ZNF804A: variants seen among roughly 807,000 people sequenced by gnomAD.
ZNF804A encodes the protein zinc finger protein 804A.
In ZNF804A, 2 loss-of-function variants were observed where a neutral mutation model predicts 16.5. That is an observed-to-expected ratio of 0.12 (90% confidence interval 0.05 to 0.38). ZNF804A has a LOEUF of 0.38. ZNF804A is among the 10% of genes least tolerant of loss of function. The probability of loss-of-function intolerance (pLI) is 0.99; values close to 1 mark genes in which losing one functional copy is unlikely to be tolerated. For synonymous variants in ZNF804A, 534 were observed against 489.6 expected (o/e 1.09, Z -1.20); for missense variants, 1,473 against 1,390.7 (o/e 1.06, Z -0.94).
At chr2:184,749,037 T>A (rs184828786) in intron 1 of ZNF804A, among the ~76,000 whole-genome samples, 2 of 151,680 alleles carry the variant, frequency 1.3e-5, no homozygotes, top group African/African-American at 2.4e-5. Context: ...CTGGCTTTGA[T>A]CTTTTTGCTT....
At chr2:184,863,915 CAT>C (rs1695835917) in intron 1 of ZNF804A, among the ~76,000 whole-genome samples, 1 of 152,018 alleles carries the variant, frequency 6.6e-6, no homozygotes, top group South Asian at 2.1e-4. Flanking sequence ...GAGTTTTTAA[CAT>C]ATTGGAAGAA....
intron 2 of ZNF804A, among the ~76,000 whole-genome samples, chr2:184,881,915 T>A (rs1171083503): frequency 6.6e-6 from 1 of 152,096 alleles, no homozygotes; most frequent in African/African-American, 2.4e-5. Context: ...GACAATATCA[T>A]GGCAGGAACA....
rs1685852728 is a variant in ZNF804A, at chr2:184,939,051, A to T, written c.*25A>T. 1 of 1,602,664 alleles carries T rather than the reference A, an allele frequency of 6.2e-7. No individual in the cohort carries two copies. The highest frequency in any genetic ancestry group is 1.3e-5 in the African/African-American group (1 of 74,626). On this transcript the variant is annotated 3_prime_UTR_variant, in exon 4 of 4. Coordinates refer to ENST00000302277, the MANE Select transcript of ZNF804A (RefSeq NM_194250.2). ...GTCATCACCATAATGGGAAAAAAAT[A>T]CTCTTGTGAAAACTATTGCTATATG...
chr2:184,836,643 A>T (rs542789935), intron 1 of ZNF804A, among the ~76,000 whole-genome samples: 60 of 151,886 alleles, frequency 4.0e-4, no homozygotes, highest in Non-Finnish European at 4.7e-4. Flanking sequence ...ATAGGTAGAT[A>T]CATAGATATT....
At chr2:184,621,617 G>A (rs995843903) in intron 1 of ZNF804A, among the ~76,000 whole-genome samples, 7 of 151,584 alleles carry the variant, frequency 4.6e-5, no homozygotes, top group African/African-American at 1.7e-4. Context: ...TTAATACAAT[G>A]TCCTTTTTTT....
chr2:184,770,876 T>C (rs917088209), intron 1 of ZNF804A, among the ~76,000 whole-genome samples: 2 of 152,070 alleles, frequency 1.3e-5, no homozygotes, highest in African/African-American at 4.8e-5. Flanking sequence ...TTAGATATTC[T>C]ATAACCCAAA....
intron 1 of ZNF804A, among the ~76,000 whole-genome samples, chr2:184,608,373 A>G (rs971364602): frequency 2.0e-5 from 3 of 152,228 alleles, no homozygotes; most frequent in Non-Finnish European, 4.4e-5. Context: ...AGAAAAGACA[A>G]TTCCATATTG....
chr2:184,759,436 A>T (rs1043244479), intron 1 of ZNF804A, among the ~76,000 whole-genome samples: 1 of 151,870 alleles, frequency 6.6e-6, no homozygotes, highest in Non-Finnish European at 1.5e-5. Context: ...AAGAGTAAAC[A>T]GATAAATTGC....
chr2:184,769,218 T>C (rs1168560064), intron 1 of ZNF804A, among the ~76,000 whole-genome samples: 1 of 152,098 alleles, frequency 6.6e-6, no homozygotes, highest in African/African-American at 2.4e-5. Context: ...CTCTGTCTGC[T>C]TCCTTTAAGG....
intron 1 of ZNF804A, among the ~76,000 whole-genome samples, chr2:184,813,100 G>A (rs1195061255): frequency 6.6e-6 from 1 of 152,100 alleles, no homozygotes; most frequent in African/African-American, 2.4e-5. Flanking sequence ...TTTGAGTGGA[G>A]TTGTCAGAAG....
intron 1 of ZNF804A, among the ~76,000 whole-genome samples, chr2:184,633,987 C>T (rs774112848): frequency 2.7e-4 from 41 of 151,996 alleles, no homozygotes; most frequent in Admixed American, 4.6e-4. Flanking sequence ...TATATATGGC[C>T]CTGCTTGTGC....
At chr2:184,881,189 C>A (rs1438306743) in intron 2 of ZNF804A, among the ~76,000 whole-genome samples, 1 of 152,046 alleles carries the variant, frequency 6.6e-6, no homozygotes, top group South Asian at 2.1e-4. Flanking sequence ...GGCCTACTCC[C>A]CGAATTAACT....
chr2:184,599,294 C>T lies in ZNF804A; in HGVS notation c.111+224C>T, dbSNP rs145018339. On this transcript the variant is annotated intron_variant, in intron 1 of 3. Coordinates refer to ENST00000302277, the MANE Select transcript of ZNF804A (RefSeq NM_194250.2). ...CACAATGCTCTGGACTATCTCACCT[C>T]ACTCCATTAAGCTGAAGATTACCAC... is the stretch of plus-strand genomic sequence containing the variant. 4.8e-3 allele frequency among the ~76,000 whole-genome samples: 724 copies of T among 152,264 alleles called. 4 individuals are homozygous for T. Among genetic ancestry groups the T allele is most frequent in the Non-Finnish European group, 6.7e-3 (455 of 68,018 alleles).
chr2:184,841,316 A>C (rs983990117), intron 1 of ZNF804A, among the ~76,000 whole-genome samples: 2 of 152,164 alleles, frequency 1.3e-5, no homozygotes, highest in Non-Finnish European at 2.9e-5. Context: ...TTCTAACTAA[A>C]TATTTTTGTT....
At chr2:184,611,277 T>A (rs1691233749) in intron 1 of ZNF804A, among the ~76,000 whole-genome samples, 1 of 152,150 alleles carries the variant, frequency 6.6e-6, no homozygotes, top group African/African-American at 2.4e-5. Context: ...AACATATACT[T>A]TTTTTGGGGG....
chr2:184,644,230 A>G (rs1691838359), intron 1 of ZNF804A, among the ~76,000 whole-genome samples: 2 of 99,134 alleles, frequency 2.0e-5, no homozygotes, highest in African/African-American at 4.7e-5. Context: ...ATACAGCTAT[A>G]TATCATATAT....
intron 1 of ZNF804A, among the ~76,000 whole-genome samples, chr2:184,696,742 C>A (rs1692837039): frequency 6.6e-6 from 1 of 151,812 alleles, no homozygotes; most frequent in South Asian, 2.1e-4. Context: ...CACTCAAAAC[C>A]AACAATAGTT....
At chr2:184,835,403 T>C (rs1695327195) in intron 1 of ZNF804A, among the ~76,000 whole-genome samples, 1 of 152,122 alleles carries the variant, frequency 6.6e-6, no homozygotes. Context: ...AAAAGGATGG[T>C]AACTTCTGGG....
At chr2:184,906,609 T>A (rs1371596360) in intron 2 of ZNF804A, among the ~76,000 whole-genome samples, 1 of 152,136 alleles carries the variant, frequency 6.6e-6, no homozygotes, top group Non-Finnish European at 1.5e-5. Context: ...AACATTTCCT[T>A]TTTAATGTCA....
Sources: gnomAD v4.1 joint callset for allele counts (sites outside exome capture counted in the v4.1 genomes callset) on GRCh38, gnomAD v4.1.1 for gene constraint, MANE v1.5 for transcripts, NCBI Gene and HGNC (gene_info 2026-07-23, HGNC 2026-07-21) for gene names.